Variants in PCDH15 observed in about 807,000 individuals in gnomAD.
PCDH15 encodes the protein protocadherin related 15, also known as protocadherin-15.
PCDH15 carries 129 observed loss-of-function variants against 178.5 expected under a neutral mutation model. The ratio of observed to expected loss-of-function variants is 0.72; its 90% confidence interval spans 0.63 to 0.84. The LOEUF is 0.84. PCDH15 is among the 40% of genes least tolerant of loss of function. PCDH15 has a pLI of 0.00. For missense variants in PCDH15, 2,230 were observed against 2,099.9 expected, an observed-to-expected ratio of 1.06 and a Z score of -1.21; for synonymous variants, 800 against 732.0, an observed-to-expected ratio of 1.09 and a Z score of -1.50.
intron 2 of PCDH15, among the ~76,000 whole-genome samples, chr10:54,949,594 A>G (rs1033225720): frequency 2.6e-5 from 4 of 151,990 alleles, no homozygotes; most frequent in Non-Finnish European, 5.9e-5. Context: ...TCGCATAGTC[A>G]AGATGCAAAT....
At chr10:55,423,734 G>A (rs1410485475) in intron 2 of PCDH15, among the ~76,000 whole-genome samples, 4 of 152,028 alleles carry the variant, frequency 2.6e-5, no homozygotes, top group Non-Finnish European at 5.9e-5. Flanking sequence ...ACCTTGATGT[G>A]CAGCAGGGGC....
At chr10:53,992,357 T>G (rs1426383192) in intron 21 of PCDH15, among the ~76,000 whole-genome samples, 3 of 152,158 alleles carry the variant, frequency 2.0e-5, no homozygotes, top group African/African-American at 4.8e-5. Context: ...TTGAAGTCGG[T>G]GAGACCAAGA....
chr10:54,728,493 G>T (rs1942889800), intron 1 of PCDH15, among the ~76,000 whole-genome samples: 1 of 151,072 alleles, frequency 6.6e-6, no homozygotes, highest in Non-Finnish European at 1.5e-5. Flanking sequence ...TACTGAATCG[G>T]CACATGCTGG....
chr10:54,720,091 T>C (rs1310780299), intron 1 of PCDH15, among the ~76,000 whole-genome samples: 1 of 152,064 alleles, frequency 6.6e-6, no homozygotes, highest in Non-Finnish European at 1.5e-5. Flanking sequence ...TTTACACTCT[T>C]GGTGGGTATG....
intron 1 of PCDH15, among the ~76,000 whole-genome samples, chr10:54,747,616 A>G (rs185014413): frequency 2.0e-5 from 3 of 152,242 alleles, no homozygotes; most frequent in Admixed American, 2.0e-4. Flanking sequence ...ACAACTCAAG[A>G]TCCAATGGGA....
At chr10:55,098,802 G>A (rs1431139313) in intron 2 of PCDH15, among the ~76,000 whole-genome samples, 1 of 151,476 alleles carries the variant, frequency 6.6e-6, no homozygotes, top group Non-Finnish European at 1.5e-5. Context: ...TTTCACTTTC[G>A]GAAGCGTCTC....
intron 2 of PCDH15, among the ~76,000 whole-genome samples, chr10:54,909,516 C>T (rs1391734392): frequency 6.6e-6 from 1 of 152,168 alleles, no homozygotes; most frequent in Admixed American, 6.6e-5. Flanking sequence ...ATCTTTGCTC[C>T]CTGATTGAGC....
intron 9 of PCDH15, among the ~76,000 whole-genome samples, chr10:54,231,581 A>C (rs537512205): frequency 2.2e-3 from 333 of 152,326 alleles, no homozygotes; most frequent in Non-Finnish European, 3.9e-3. Context: ...CCAGAATGGT[A>C]GATCCACTGA....
Position 54,183,464 on chromosome 10 carries a change from G to C in PCDH15, c.1570C>G (p.Pro524Ala). The change falls in exon 13 of 38, where the codon CCT becomes GCT. Residue 524 changes from proline to alanine, a missense_variant. Transcript: ENST00000644397. The part of the protein sequence containing the change: ...YDVYVYTDMR[P>A]GDSVIQLTAV... ...GTTACCTGTATGACACTGTCCCCAG[G>C]TCTCATGTCTGTATAAACATACACA... is the stretch of plus-strand genomic sequence containing the variant. The C allele has an allele frequency of 6.2e-7, 1 of 1,613,162 alleles. No individual in the cohort carries two copies. The highest frequency in any genetic ancestry group is 8.5e-7 in the Non-Finnish European group (1 of 1,179,242).
chr10:54,428,833 T>C (rs1956611854), intron 3 of PCDH15, among the ~76,000 whole-genome samples: 2 of 152,174 alleles, frequency 1.3e-5, no homozygotes, highest in South Asian at 4.1e-4. Flanking sequence ...AAAAAACTTT[T>C]ACCCTACAAT....
intron 5 of PCDH15, among the ~76,000 whole-genome samples, chr10:54,358,660 G>A (rs182852807): frequency 7.9e-4 from 120 of 152,036 alleles, no homozygotes; most frequent in African/African-American, 2.8e-3. Context: ...CCCATTACTG[G>A]GTATATACCC....
In PCDH15 at chr10:54,349,662, A is replaced by AGTC. The variant is rs148606838; in HGVS notation, c.475-3179_475-3178insGAC. Among the ~76,000 whole-genome samples, 895 of 152,164 alleles carry AGTC rather than the reference A, an allele frequency of 5.9e-3. 6 individuals are homozygous for AGTC. Among genetic ancestry groups the AGTC allele is most frequent in the African/African-American group, 0.02 (835 of 41,502 alleles). On this transcript the variant is annotated intron_variant, in intron 5 of 37. Coordinates refer to ENST00000644397, the MANE Select transcript of PCDH15 (RefSeq NM_001384140.1). ...TTTAATATGTAGTCCTTTAAAATAAACTCTACATTGTTATAATGTTTAATA... is the reference window on the plus strand; with the variant it reads ...TTTAATATGTAGTCCTTTAAAATAAAGTCCTCTACATTGTTATAATGTTTAATA...
chr10:54,751,725 G>A (rs1478629998), intron 1 of PCDH15, among the ~76,000 whole-genome samples: 5 of 152,094 alleles, frequency 3.3e-5, no homozygotes, highest in African/African-American at 9.6e-5. Flanking sequence ...AAATGTTTAT[G>A]TTTCTTTGTC....
chr10:55,409,711 A>G (rs1838287026), intron 2 of PCDH15, among the ~76,000 whole-genome samples: 1 of 152,172 alleles, frequency 6.6e-6, no homozygotes, highest in South Asian at 2.1e-4. Context: ...AGTTACAGAA[A>G]GTAAAAACAT....
chr10:54,929,856 G>A (rs1302118243), intron 2 of PCDH15, among the ~76,000 whole-genome samples: 2 of 152,140 alleles, frequency 1.3e-5, no homozygotes, highest in African/African-American at 4.8e-5. Flanking sequence ...CAGCTCATTT[G>A]TTTCTAATAT....
At chr10:55,524,019 A>G (rs544438915) in intron 2 of PCDH15, among the ~76,000 whole-genome samples, 2 of 150,174 alleles carry the variant, frequency 1.3e-5, no homozygotes, top group East Asian at 3.9e-4. Context: ...GCTGCCACCT[A>G]CCCCAAAACA....
chr10:54,757,063 G>C (rs1357608165), intron 1 of PCDH15, among the ~76,000 whole-genome samples: 3 of 152,102 alleles, frequency 2.0e-5, no homozygotes, highest in African/African-American at 7.2e-5. Context: ...TCTTTTGATA[G>C]CATGAGATAT....
At chr10:54,093,929 G>GA in intron 15 of PCDH15, among the ~76,000 whole-genome samples, 1 of 152,024 alleles carries the variant, frequency 6.6e-6, no homozygotes, top group East Asian at 1.9e-4. Flanking sequence ...TCTTTTTAGT[G>GA]AAAAAACATT....
At chr10:55,011,096 G>T (rs1840036327) in intron 2 of PCDH15, among the ~76,000 whole-genome samples, 1 of 134,340 alleles carries the variant, frequency 7.4e-6, no homozygotes, top group Non-Finnish European at 1.7e-5. Context: ...AATCTCAAAT[G>T]ATTTTCTTGT....
Sources: allele counts gnomAD v4.1 joint callset (sites outside exome capture counted in the v4.1 genomes callset), GRCh38; gene constraint gnomAD v4.1.1; transcripts MANE v1.5; gene names NCBI Gene and HGNC (gene_info 2026-07-23, HGNC 2026-07-21).